Variants in UNC5C observed in about 807,000 individuals in gnomAD.
The protein encoded by UNC5C is netrin receptor UNC5C.
In UNC5C, 47 loss-of-function variants were observed where a neutral mutation model predicts 99.8. The observed-to-expected ratio is 0.47, with a 90% CI of 0.37 to 0.60. The LOEUF (loss-of-function observed/expected upper bound fraction) is 0.60, where lower values mean the gene tolerates loss of function less well. Ranked by LOEUF, UNC5C falls within the 20% of genes least tolerant of loss-of-function variation. UNC5C has a pLI of 0.00. For missense variants in UNC5C, 1,062 were observed against 1,165.9 expected (o/e 0.91, Z 1.30); for synonymous variants, 487 against 452.2 (o/e 1.08, Z -0.98).
intron 1 of UNC5C, among the ~76,000 whole-genome samples, chr4:95,494,804 C>T (rs1401016161): frequency 6.6e-6 from 1 of 151,424 alleles, no homozygotes; most frequent in African/African-American, 2.4e-5. Flanking sequence ...TTTAAAGTTG[C>T]AACTTACTAT....
chr4:95,454,821 C>T (rs1467354823), intron 1 of UNC5C, among the ~76,000 whole-genome samples: 1 of 151,940 alleles, frequency 6.6e-6, no homozygotes, highest in East Asian at 1.9e-4. Flanking sequence ...CTGTTGACAC[C>T]TATAAAACTC....
At chr4:95,315,539 A>T (rs975432398) in intron 2 of UNC5C, among the ~76,000 whole-genome samples, 2 of 152,220 alleles carry the variant, frequency 1.3e-5, no homozygotes, top group African/African-American at 4.8e-5. Flanking sequence ...ATGTCTATTC[A>T]TATCTCCAGG....
intron 1 of UNC5C, among the ~76,000 whole-genome samples, chr4:95,474,358 T>A (rs1014857485): frequency 6.6e-6 from 1 of 152,150 alleles, no homozygotes; most frequent in Non-Finnish European, 1.5e-5. Flanking sequence ...TGGTGCAATC[T>A]CTGCTCACTG....
At chr4:95,189,396 C>A (rs562463654) in intron 12 of UNC5C, among the ~76,000 whole-genome samples, 12 of 152,320 alleles carry the variant, frequency 7.9e-5, no homozygotes, top group Non-Finnish European at 1.5e-4. Context: ...GGCAGTCCTC[C>A]CACCTCAGCC....
intron 2 of UNC5C, among the ~76,000 whole-genome samples, chr4:95,324,734 G>T (rs1438826260): frequency 2.0e-5 from 3 of 152,142 alleles, no homozygotes; most frequent in Non-Finnish European, 2.9e-5. Flanking sequence ...TTATAAAAGA[G>T]GCAAGAGAGG....
chr4:95,442,230 G>T (rs1256184936), intron 1 of UNC5C, among the ~76,000 whole-genome samples: 1 of 151,962 alleles, frequency 6.6e-6, no homozygotes, highest in Non-Finnish European at 1.5e-5. Context: ...TTGAAACAGG[G>T]TTTGGTCTGT....
chr4:95,491,590 C>T (rs1351918049), intron 1 of UNC5C, among the ~76,000 whole-genome samples: 3 of 151,578 alleles, frequency 2.0e-5, no homozygotes, highest in Non-Finnish European at 4.4e-5. Context: ...ATTCCTTCAC[C>T]CGCTAGTGAA....
chr4:95,422,899 A>G (rs1246078225), intron 1 of UNC5C, among the ~76,000 whole-genome samples: 1 of 152,216 alleles, frequency 6.6e-6, no homozygotes, highest in African/African-American at 2.4e-5. Flanking sequence ...CATGAATACT[A>G]TGAGGAAGGT....
chr4:95,245,378 A>G (rs1313212050), intron 5 of UNC5C, among the ~76,000 whole-genome samples: 1 of 152,202 alleles, frequency 6.6e-6, no homozygotes, highest in Non-Finnish European at 1.5e-5. Context: ...TCAGAAAAAT[A>G]AATAGGACTG....
intron 7 of UNC5C, among the ~76,000 whole-genome samples, chr4:95,240,080 C>A (rs17023315): frequency 0.045 from 6,783 of 152,202 alleles, 505 homozygotes; most frequent in African/African-American, 0.15. Context: ...ATTGTGATAT[C>A]ATTGAAGGAC....
chr4:95,222,084 T>C (rs1323194968), intron 7 of UNC5C: 10 of 581,320 alleles, frequency 1.7e-5, no homozygotes, highest in Non-Finnish European at 2.7e-5. Flanking sequence ...TTATTTTTCA[T>C]GTTAGAATAT....
intron 1 of UNC5C, among the ~76,000 whole-genome samples, chr4:95,412,631 C>T (rs1056496661): frequency 7.9e-5 from 12 of 152,120 alleles, no homozygotes; most frequent in African/African-American, 2.7e-4. Flanking sequence ...TTGTCTCCCC[C>T]ACAAAAAAAT....
intron 12 of UNC5C, among the ~76,000 whole-genome samples, chr4:95,193,351 G>T (rs750066690): frequency 3.9e-5 from 6 of 152,166 alleles, no homozygotes; most frequent in Admixed American, 6.5e-5. Context: ...CGGCTTTCTG[G>T]CTCCTGGAGA....
At chr4:95,397,749 A>G (rs1259188368) in intron 1 of UNC5C, among the ~76,000 whole-genome samples, 1 of 152,234 alleles carries the variant, frequency 6.6e-6, no homozygotes, top group Non-Finnish European at 1.5e-5. Context: ...AAAAAATAGC[A>G]TCTAAGTTTT....
At chr4:95,542,171 A>C (rs1451682515) in intron 1 of UNC5C, among the ~76,000 whole-genome samples, 1 of 152,160 alleles carries the variant, frequency 6.6e-6, no homozygotes, top group Non-Finnish European at 1.5e-5. Flanking sequence ...TCATCTGTTA[A>C]TATGATTATT....
At chr4:95,200,750 C>G (rs1443548136) in intron 12 of UNC5C, among the ~76,000 whole-genome samples, 4 of 152,194 alleles carry the variant, frequency 2.6e-5, no homozygotes, top group Admixed American at 1.3e-4. Flanking sequence ...AAAATCTGCT[C>G]TCTGTTCAGA....
chr4:95,475,471 T>C (rs774643782), intron 1 of UNC5C, among the ~76,000 whole-genome samples: 1 of 152,052 alleles, frequency 6.6e-6, no homozygotes, highest in Non-Finnish European at 1.5e-5. Context: ...CTAATGACTC[T>C]TCAGTTGATG....
intron 1 of UNC5C, among the ~76,000 whole-genome samples, chr4:95,529,682 G>A (rs1298050721): frequency 2.0e-5 from 3 of 151,938 alleles, no homozygotes; most frequent in South Asian, 2.1e-4. Flanking sequence ...AGCTGTGACC[G>A]CACCACTGCA....
intron 1 of UNC5C, among the ~76,000 whole-genome samples, chr4:95,419,780 C>G (rs1746266427): frequency 6.6e-6 from 1 of 151,948 alleles, no homozygotes; most frequent in African/African-American, 2.4e-5. Flanking sequence ...CCATGTTGAA[C>G]ATTTATAAAA....
Sources: allele counts gnomAD v4.1 joint callset (sites outside exome capture counted in the v4.1 genomes callset), GRCh38; gene constraint gnomAD v4.1.1; transcripts MANE v1.5; gene names NCBI Gene and HGNC (gene_info 2026-07-23, HGNC 2026-07-21).